The following CDKAL1 variants were observed in gnomAD, a reference collection of about 807,000 sequenced individuals.
The protein encoded by CDKAL1 is CDKAL1 threonylcarbamoyladenosine tRNA methylthiotransferase.
In CDKAL1, 32 loss-of-function variants were observed where a neutral mutation model predicts 68.2. The observed-to-expected ratio is 0.47, with a 90% CI of 0.35 to 0.63. CDKAL1 has a LOEUF of 0.63. Ranked by LOEUF, CDKAL1 falls within the 30% of genes least tolerant of loss-of-function variation. The pLI is 0.00. For synonymous variants in CDKAL1, 234 were observed against 244.3 expected, an observed-to-expected ratio of 0.96 and a Z score of 0.39; for missense variants, 606 against 696.7, an observed-to-expected ratio of 0.87 and a Z score of 1.47.
At chr6:21,223,430 T>C (rs1185419570) in intron 15 of CDKAL1, among the ~76,000 whole-genome samples, 1 of 152,238 alleles carries the variant, frequency 6.6e-6, no homozygotes, top group Non-Finnish European at 1.5e-5. Context: ...GAATGTTCTC[T>C]AAATACTCCT....
chr6:20,964,412 A>C (rs935834469), intron 10 of CDKAL1, among the ~76,000 whole-genome samples: 1 of 152,232 alleles, frequency 6.6e-6, no homozygotes, highest in Non-Finnish European at 1.5e-5. Flanking sequence ...ATCAACCTAA[A>C]TGCCCATCAG....
chr6:21,155,232 C>T (rs1776590595), intron 13 of CDKAL1, among the ~76,000 whole-genome samples: 1 of 149,514 alleles, frequency 6.7e-6, no homozygotes, highest in South Asian at 2.2e-4. Context: ...ATATTTTTCC[C>T]TAAGCAATTG....
intron 13 of CDKAL1, among the ~76,000 whole-genome samples, chr6:21,145,851 G>GATC (rs943437055): frequency 2.0e-5 from 3 of 152,146 alleles, no homozygotes; most frequent in African/African-American, 7.2e-5. Context: ...AGCAAACTAT[G>GATC]ATCACGCCAC....
intron 9 of CDKAL1, among the ~76,000 whole-genome samples, chr6:20,926,970 A>G (rs1012390504): frequency 6.6e-6 from 1 of 150,390 alleles, no homozygotes; most frequent in Non-Finnish European, 1.5e-5. Context: ...GAATGGCTCT[A>G]TAGAGTTAGT....
At chr6:21,180,944 T>C (rs577657555) in intron 13 of CDKAL1, among the ~76,000 whole-genome samples, 2 of 152,326 alleles carry the variant, frequency 1.3e-5, no homozygotes, top group African/African-American at 4.8e-5. Flanking sequence ...AATAAATTTA[T>C]TTCTCACAGT....
intron 4 of CDKAL1, among the ~76,000 whole-genome samples, chr6:20,584,176 T>C (rs1187208362): frequency 6.6e-6 from 1 of 152,144 alleles, no homozygotes; most frequent in East Asian, 1.9e-4. Flanking sequence ...CTCATTCTTA[T>C]TTTAATACCT....
intron 8 of CDKAL1, among the ~76,000 whole-genome samples, chr6:20,789,004 T>A (rs1256531589): frequency 6.6e-6 from 1 of 152,140 alleles, no homozygotes; most frequent in Non-Finnish European, 1.5e-5. Flanking sequence ...GCAGAAAAAA[T>A]TTTCTGGCTA....
intron 5 of CDKAL1, among the ~76,000 whole-genome samples, chr6:20,678,094 T>G (rs549527578): frequency 2.4e-4 from 37 of 151,860 alleles, no homozygotes; most frequent in South Asian, 6.3e-4. Flanking sequence ...CTGTGTTGTT[T>G]TTTTTTTTTG....
chr6:21,128,221 A>G (rs761351985), intron 13 of CDKAL1, among the ~76,000 whole-genome samples: 9 of 152,224 alleles, frequency 5.9e-5, no homozygotes, highest in Non-Finnish European at 8.8e-5. Context: ...ACACTTTACT[A>G]TAGTATAGGC....
At chr6:21,022,045 G>A (rs1034643986) in intron 11 of CDKAL1, among the ~76,000 whole-genome samples, 11 of 152,216 alleles carry the variant, frequency 7.2e-5, no homozygotes, top group African/African-American at 1.9e-4. Flanking sequence ...AAGGGCCAAT[G>A]TTTGAGATCT....
At chr6:21,224,606 T>A (rs1259660516) in intron 15 of CDKAL1, among the ~76,000 whole-genome samples, 1 of 152,130 alleles carries the variant, frequency 6.6e-6, no homozygotes, top group African/African-American at 2.4e-5. Context: ...CCAAGAGATG[T>A]AGGCAAATTG....
intron 7 of CDKAL1, among the ~76,000 whole-genome samples, chr6:20,773,747 C>T (rs6929918): frequency 0.013 from 1,950 of 152,118 alleles, 46 homozygotes; most frequent in African/African-American, 0.043. Context: ...GGGGTTTCAC[C>T]GTGTTAGCCA....
At chr6:20,857,639 T>C (rs1047729268) in intron 9 of CDKAL1, among the ~76,000 whole-genome samples, 4 of 152,202 alleles carry the variant, frequency 2.6e-5, no homozygotes, top group Non-Finnish European at 4.4e-5. Context: ...TCATTTCAAA[T>C]GTTTGGGAGG....
intron 10 of CDKAL1, among the ~76,000 whole-genome samples, chr6:20,999,233 T>C (rs555845049): frequency 6.6e-6 from 1 of 152,302 alleles, no homozygotes; most frequent in Non-Finnish European, 1.5e-5. Context: ...TTTTCACTTT[T>C]CTTTTTCTTT....
chr6:21,217,291 T>C (rs2151121442), intron 15 of CDKAL1, among the ~76,000 whole-genome samples: 1 of 86,772 alleles, frequency 1.2e-5, no homozygotes, highest in Admixed American at 1.2e-4. Context: ...AGGATTTCTT[T>C]TTCTTTTTTT....
At chr6:20,814,037 A>T (rs1776935773) in intron 8 of CDKAL1, among the ~76,000 whole-genome samples, 1 of 151,948 alleles carries the variant, frequency 6.6e-6, no homozygotes, top group African/African-American at 2.4e-5. Context: ...TCTTTACAGT[A>T]TTGAGTTTTC....
chr6:20,880,271 T>C (rs1760743010), intron 9 of CDKAL1, among the ~76,000 whole-genome samples: 1 of 152,220 alleles, frequency 6.6e-6, no homozygotes, highest in East Asian at 1.9e-4. Context: ...TTTTGCTTTT[T>C]TTCGAGATGG....
intron 6 of CDKAL1, among the ~76,000 whole-genome samples, chr6:20,743,480 A>G (rs1227781646): frequency 6.6e-6 from 1 of 152,210 alleles, no homozygotes; most frequent in Non-Finnish European, 1.5e-5. Context: ...ATTTAAGAAG[A>G]TATTAATAGA....
At chr6:20,934,272 G>C (rs957007566) in intron 9 of CDKAL1, among the ~76,000 whole-genome samples, 4 of 152,120 alleles carry the variant, frequency 2.6e-5, no homozygotes, top group Admixed American at 2.6e-4. Flanking sequence ...TCCATTTAAA[G>C]CCAAGTTTTC....
Sources: gnomAD v4.1 joint callset for allele counts (sites outside exome capture counted in the v4.1 genomes callset) on GRCh38, gnomAD v4.1.1 for gene constraint, MANE v1.5 for transcripts, NCBI Gene and HGNC (gene_info 2026-07-23, HGNC 2026-07-21) for gene names.